CEP44: variants seen among roughly 807,000 people sequenced by gnomAD.
CEP44 encodes centrosomal protein of 44 kDa.
CEP44 carries 45 observed loss-of-function variants against 46.7 expected under a neutral mutation model. That is an observed-to-expected ratio of 0.96 (90% confidence interval 0.76 to 1.24). The LOEUF is 1.24. Ranked by LOEUF, CEP44 falls within the 50% of genes most tolerant of loss-of-function variation. The probability of loss-of-function intolerance (pLI) is 0.00; values close to 1 mark genes in which losing one functional copy is unlikely to be tolerated. For synonymous variants in CEP44, 142 were observed against 146.0 expected (o/e 0.97, Z 0.20); for missense variants, 475 against 459.7 (o/e 1.03, Z -0.30).
At chr4:174,321,596 A>G (rs754219181), downstream of CEP44, among the ~76,000 whole-genome samples, 4 of 152,058 alleles carry the variant, frequency 2.6e-5, no homozygotes, top group African/African-American at 7.2e-5. Context: ...TTTACTTTTA[A>G]TTATGTTGCC....
Position 174,283,986 on chromosome 4 carries a change from C to T in CEP44, c.-148+43C>T, listed in dbSNP as rs938569561. The T allele has an allele frequency of 2.0e-5, 8 of 399,698 alleles. No homozygotes were observed. The highest frequency in any genetic ancestry group is 1.3e-4 in the Admixed American group (3 of 22,726). The allele number at this position is 399,698 out of a possible 1,614,324, so 24.8% of individuals were successfully genotyped here. A position where few individuals can be genotyped will look rare whatever the true frequency, so the allele number is the denominator to read the frequency against. ...ACCCACAATTCCAAATACAAACGGT[C>T]GGCGCGAGAAGCGCTTCTGGGCGCA... On this transcript the variant is annotated intron_variant, in intron 1 of 11. Coordinates refer to ENST00000503780, the MANE Select transcript of CEP44 (RefSeq NM_001040157.3). This position sits in a 1 kb window ranked among gnomAD's most constrained non-coding sequence, Gnocchi z 6.7.
At position 174,317,391 on chromosome 4, in the gene CEP44, TAC is replaced by T; in HGVS notation, c.*10_*11del. On this transcript the variant is annotated 3_prime_UTR_variant, in exon 12 of 12. Transcript: ENST00000503780. ...CCAAATCACTACTTGTAGGATTTTC[TAC>T]ATGAACTTTTTTCTAGGACTTTGGT... 1.4e-6 allele frequency: 2 copies of T among 1,418,382 alleles called. No individual in the cohort carries two copies. Among genetic ancestry groups the T allele is most frequent in the Non-Finnish European group, 1.9e-6 (2 of 1,069,312 alleles). 87.9% of individuals were successfully genotyped at this position (1,418,382 alleles called of 1,614,324 possible). A position where few individuals can be genotyped will look rare whatever the true frequency, so the allele number is the denominator to read the frequency against.
At chr4:174,324,050 A>C (rs778881436), downstream of CEP44, among the ~76,000 whole-genome samples, 1 of 152,158 alleles carries the variant, frequency 6.6e-6, no homozygotes, top group Non-Finnish European at 1.5e-5. Flanking sequence ...GATAGGCCTA[A>C]TTAGGTTAGC....
At position 174,286,199 on chromosome 4, in the gene CEP44, GGGAAATGGCTGT is replaced by G. The variant is rs1737566939; in HGVS notation, c.-148+2264_-148+2275del. ...AAGAGGGAGCAGTTGCTCTACCCTG[GGGAAATGGCTGT>G]GGAAATGAGTGGCGAGGGGCTTAAA... On this transcript the variant is annotated intron_variant, in intron 1 of 11. Transcript: ENST00000503780. The surrounding 1 kb of genome is among the most constrained non-coding windows in gnomAD (Gnocchi z 5.2). Among the ~76,000 whole-genome samples the G allele has an allele frequency of 6.6e-6, 1 of 152,176 alleles. No homozygotes were observed. Among genetic ancestry groups the G allele is most frequent in the South Asian group, 2.1e-4 (1 of 4,832 alleles).
intron 11 of CEP44, 95 bp from the exon 12 acceptor site, chr4:174,317,240 T>G: frequency 4.1e-6 from 2 of 490,114 alleles, no homozygotes. Flanking sequence ...ATATTCAAAT[T>G]TATTTTAGGC....
rs1176898681 is a variant in CEP44, at chr4:174,331,291, A to G, written c.1087-191A>G. 6.6e-6 allele frequency among the ~76,000 whole-genome samples: 1 copy of G among 151,774 alleles called. No individual in the cohort carries two copies. Among genetic ancestry groups the G allele is most frequent in the East Asian group, 1.9e-4 (1 of 5,200 alleles). ...GCTGTTTATTCTGGTATCTAACAAC[A>G]TATTTCTAAATAATATGATTGTCAT... On this transcript the variant is annotated intron_variant, in intron 8 of 8. Coordinates refer to the CEP44 transcript ENST00000426172. This position sits in a 1 kb window ranked among gnomAD's most constrained non-coding sequence, Gnocchi z 4.5.
chr4:174,310,167 T>A lies in CEP44; in HGVS notation c.885+111T>A. On this transcript the variant is annotated intron_variant, in intron 8 of 11. Transcript: ENST00000503780. The surrounding 1 kb of genome is among the most constrained non-coding windows in gnomAD (Gnocchi z 4.2). ...GCTAAATATGAGAATATTTGAATAA[T>A]GAGAAAATGTCTAGTTAGAATGAAG... 1.1e-6 allele frequency: 1 copy of A among 951,074 alleles called. No individual in the cohort carries two copies. Among genetic ancestry groups the A allele is most frequent in the East Asian group, 2.7e-5 (1 of 37,696 alleles). 58.9% of individuals were successfully genotyped at this position (951,074 alleles called of 1,614,324 possible). A position where few individuals can be genotyped will look rare whatever the true frequency, so the allele number is the denominator to read the frequency against.
intron 4 of CEP44, 69 bp from the exon 5 acceptor site, chr4:174,303,634 G>A: frequency 1.0e-6 from 1 of 973,522 alleles, no homozygotes. Context: ...CTGACCAGGT[G>A]GGCATTATCA....
chr4:174,332,359 G>A (rs1450134208), exon 9 of CEP44: 1 of 152,180 alleles, frequency 6.6e-6, no homozygotes, highest in Non-Finnish European at 1.5e-5. Context: ...AATGGGGATA[G>A]CATTTGCTCA....
rs1417089123 is a variant in CEP44, at chr4:174,317,555, G to A, written c.*172G>A. ...ATTGAATAACTCTTTTAATATTTTTGAGCAATGATTATACTGCTTTACCTT... is the reference window on the plus strand; with the variant it reads ...ATTGAATAACTCTTTTAATATTTTTAAGCAATGATTATACTGCTTTACCTT... On this transcript the variant is annotated 3_prime_UTR_variant, in exon 12 of 12. Transcript: ENST00000503780. 3 of 1,165,180 alleles carry A rather than the reference G, an allele frequency of 2.6e-6. No homozygotes were observed. Among genetic ancestry groups the A allele is most frequent in the Non-Finnish European group, 3.2e-6 (3 of 938,350 alleles). The allele number at this position is 1,165,180 out of a possible 1,614,324, so 72.2% of individuals were successfully genotyped here. A position where few individuals can be genotyped will look rare whatever the true frequency, so the allele number is the denominator to read the frequency against.
In CEP44 at chr4:174,308,790, G is replaced by C; in HGVS notation, c.609G>C (p.Val203=). Residue 203 remains valine, a synonymous_variant, in exon 7 of 12, where the codon GTG becomes GTC. Transcript: ENST00000503780. The stretch of plus-strand genomic sequence containing the variant: ...CAGATGTTAATGAAGCAGTTGATGT[G>C]TCTGACTTAAATGCTACTGAAATAA... The part of the protein sequence containing the change: ...PITDVNEAVD[V]SDLNATEIKM... 6.2e-7 allele frequency: 1 copy of C among 1,613,316 alleles called. No individual in the cohort carries two copies.
downstream of CEP44, among the ~76,000 whole-genome samples, chr4:174,321,486 G>T (rs545416461): frequency 6.6e-6 from 1 of 152,100 alleles, no homozygotes; most frequent in Non-Finnish European, 1.5e-5. Context: ...TAACTTGTTT[G>T]GTCCTCATCA....
rs926997694 is a variant in CEP44 at position 174,283,968 on chromosome 4, A to G, written c.-148+25A>G. On this transcript the variant is annotated intron_variant, in intron 1 of 11. Coordinates refer to ENST00000503780, the MANE Select transcript of CEP44 (RefSeq NM_001040157.3). This position sits in a 1 kb window ranked among gnomAD's most constrained non-coding sequence, Gnocchi z 6.7. ...GGTGCGTGGCGGGCAGGAACCCACA[A>G]TTCCAAATACAAACGGTCGGCGCGA... The G allele has an allele frequency of 7.5e-6, 3 of 399,472 alleles. No homozygotes were observed. The highest frequency in any genetic ancestry group is 2.1e-5 in the African/African-American group (1 of 48,680). The allele number at this position is 399,472 out of a possible 1,614,324, so 24.7% of individuals were successfully genotyped here.
downstream of CEP44, among the ~76,000 whole-genome samples, chr4:174,323,075 C>T (rs1005839760): frequency 7.9e-5 from 12 of 151,772 alleles, no homozygotes; most frequent in South Asian, 2.1e-4. Flanking sequence ...TTTCTGTTTG[C>T]GGCAATATGG....
At chr4:174,308,958 A>T in intron 7 of CEP44, 99 bp downstream of exon 7, 1 of 1,017,210 alleles carries the variant, frequency 9.8e-7, no homozygotes, top group East Asian at 2.5e-5. Context: ...TAGCCTTTTG[A>T]ATTATTAATC....
chr4:174,319,203 A>T lies in CEP44; in HGVS notation c.*1820A>T, dbSNP rs1742065341. 1 of 973,180 alleles carries T rather than the reference A, an allele frequency of 1.0e-6. No homozygotes were observed. Among genetic ancestry groups the T allele is most frequent in the Admixed American group, 6.2e-5 (1 of 16,242 alleles). The allele number at this position is 973,180 out of a possible 1,614,324, so 60.3% of individuals were successfully genotyped here. On this transcript the variant is annotated 3_prime_UTR_variant, in exon 12 of 12. Transcript: ENST00000503780. ...TTTGAATTTAACAGAGTTTCAGTAA[A>T]TATTTCCAGAATTAATGAAGCATGT... is the stretch of plus-strand genomic sequence containing the variant.
At chr4:174,303,940 A>G (rs1289459004) in intron 5 of CEP44, 91 bp downstream of exon 5, 5 of 866,190 alleles carry the variant, frequency 5.8e-6, no homozygotes, top group Admixed American at 3.1e-5. Flanking sequence ...TAGACAGCAA[A>G]TTATTTCATA....
At chr4:174,332,230 G>T (rs1395605088) in exon 9 of CEP44, 2 of 152,224 alleles carry the variant, frequency 1.3e-5, no homozygotes. Context: ...GTAGGCTAAA[G>T]GTACGGTGTT....
In CEP44 at chr4:174,326,242, G is replaced by A. The variant is rs1366570283; in HGVS notation, c.1087-5240G>A. ...TGTGTATGTGTGTGTGTGTGTCTGT[G>A]TGTGTGTCTGTGTGTTTGCTCCAAG... On this transcript the variant is annotated intron_variant, in intron 8 of 8. Transcript: ENST00000426172. This position sits in a 1 kb window ranked among gnomAD's most constrained non-coding sequence, Gnocchi z 4.8. Among the ~76,000 whole-genome samples, 1 of 151,470 alleles carries A rather than the reference G, an allele frequency of 6.6e-6. No individual in the cohort carries two copies. The highest frequency in any genetic ancestry group is 2.4e-5 in the African/African-American group (1 of 41,264).
Sources: allele counts gnomAD v4.1 joint callset (sites outside exome capture counted in the v4.1 genomes callset), GRCh38; gene constraint gnomAD v4.1.1; non-coding constraint Gnocchi (gnomAD v3.1); transcripts MANE v1.5; gene names NCBI Gene and HGNC (gene_info 2026-07-23, HGNC 2026-07-21).